ANXA11: variants seen among roughly 807,000 people sequenced by gnomAD.
The protein encoded by ANXA11 is annexin A11.
ANXA11 carries 57 observed loss-of-function variants against 64.7 expected under a neutral mutation model. That is an observed-to-expected ratio of 0.88 (90% CI 0.71 to 1.10). The LOEUF is 1.10. ANXA11 is among the 50% of genes least tolerant of loss of function. The pLI is 0.00. For synonymous variants in ANXA11, 260 were observed against 265.2 expected, an observed-to-expected ratio of 0.98 and a Z score of 0.19; for missense variants, 675 against 670.7, an observed-to-expected ratio of 1.01 and a Z score of -0.07.
chr10:80,200,427 A>G (rs936259885), intron 1 of ANXA11, among the ~76,000 whole-genome samples: 7 of 152,372 alleles, frequency 4.6e-5, no homozygotes, highest in East Asian at 3.9e-4. Context: ...ATTTAAGACC[A>G]AAGACCAAAG....
intron 4 of ANXA11, among the ~76,000 whole-genome samples, chr10:80,169,747 C>G (rs1239986922): frequency 6.6e-6 from 1 of 152,180 alleles, no homozygotes; most frequent in Admixed American, 6.5e-5. Flanking sequence ...CTCTGGCAGG[C>G]ATGTTCAGGT....
intron 8 of ANXA11, among the ~76,000 whole-genome samples, 165 bp downstream of exon 8, chr10:80,165,919 C>T (rs1220983538): frequency 6.6e-6 from 1 of 152,100 alleles, no homozygotes; most frequent in African/African-American, 2.4e-5. Context: ...GGACTCCAAC[C>T]CAGGAAGGCC....
At chr10:80,187,600 G>A (rs1257331090) in intron 1 of ANXA11, among the ~76,000 whole-genome samples, 2 of 152,054 alleles carry the variant, frequency 1.3e-5, no homozygotes, top group African/African-American at 4.8e-5. Flanking sequence ...CTCCCAAAAA[G>A]GGAAACAGTG....
At chr10:80,174,396 C>A (rs1280321154) in intron 2 of ANXA11, among the ~76,000 whole-genome samples, 1 of 151,878 alleles carries the variant, frequency 6.6e-6, no homozygotes, top group Non-Finnish European at 1.5e-5. Context: ...CCTGCCTCAG[C>A]CTCCCAAGTA....
chr10:80,167,009 G>T, intron 6 of ANXA11, 25 bp from the exon 7 acceptor site: 1 of 1,527,046 alleles, frequency 6.5e-7, no homozygotes, highest in Non-Finnish European at 8.9e-7. Flanking sequence ...AGCAGGGGTG[G>T]GTCGGGTAGG....
chr10:80,156,133 G>C (rs61860016), intron 15 of ANXA11, among the ~76,000 whole-genome samples: 10,454 of 152,218 alleles, frequency 0.069, 563 homozygotes, highest in South Asian at 0.2. Context: ...ACTCACCCCA[G>C]CTATCCACAT....
Position 80,154,258 on chromosome 10 carries a change from T to C in ANXA11, c.*1595A>G, listed in dbSNP as rs181713589. On this transcript the variant is annotated 3_prime_UTR_variant, in exon 16 of 16. Coordinates refer to ENST00000422982, the MANE Select transcript of ANXA11 (RefSeq NM_145868.2). Reference sequence around the variant, plus strand: ...CTGGGATTACAGGAATGTGCCACCATGCCTGGCTAATTTTTGTATTTTTAG... The same window carrying C: ...CTGGGATTACAGGAATGTGCCACCACGCCTGGCTAATTTTTGTATTTTTAG... The C allele has an allele frequency of 2.5e-3, 374 of 152,214 alleles. 1 individual carries two copies. Among genetic ancestry groups the C allele is most frequent in the Non-Finnish European group, 3.8e-3 (257 of 68,048 alleles). The allele number at this position is 152,214 out of a possible 1,614,324, so 9.4% of individuals were successfully genotyped here. A position where few individuals can be genotyped will look rare whatever the true frequency, so the allele number is the denominator to read the frequency against.
chr10:80,182,579 G>A (rs1846395109), intron 1 of ANXA11, among the ~76,000 whole-genome samples: 1 of 152,092 alleles, frequency 6.6e-6, no homozygotes, highest in Non-Finnish European at 1.5e-5. Context: ...AGAACATGCA[G>A]GTTTGTTACA....
intron 1 of ANXA11, among the ~76,000 whole-genome samples, chr10:80,196,612 C>T (rs1368717290): frequency 6.6e-6 from 1 of 152,122 alleles, no homozygotes; most frequent in Non-Finnish European, 1.5e-5. Flanking sequence ...GGGTGGGGGC[C>T]CTGGGCGTGC....
chr10:80,181,980 CTCATGGACAT>C (rs1259395890), intron 1 of ANXA11, among the ~76,000 whole-genome samples: 1 of 152,202 alleles, frequency 6.6e-6, no homozygotes, highest in Non-Finnish European at 1.5e-5. Flanking sequence ...ACAAAACCTG[CTCATGGACAT>C]TCACAGTAGT....
chr10:80,155,824 G>A lies in ANXA11; in HGVS notation c.*29C>T. 1.2e-6 allele frequency: 2 copies of A among 1,609,632 alleles called. 1 individual carries two copies. The highest frequency in any genetic ancestry group is 2.2e-5 in the South Asian group (2 of 90,904). ...TTCCTGGCACTGGTGTTGCCGGCAG[G>A]TGGGCAGAAGTGAGCCACCAGTCAC... On this transcript the variant is annotated 3_prime_UTR_variant, in exon 16 of 16. Coordinates refer to ENST00000422982, the MANE Select transcript of ANXA11 (RefSeq NM_145868.2).
intron 1 of ANXA11, among the ~76,000 whole-genome samples, chr10:80,178,342 G>A (rs1243147482): frequency 6.6e-6 from 1 of 152,182 alleles, no homozygotes; most frequent in Non-Finnish European, 1.5e-5. Flanking sequence ...CTGATGGCTG[G>A]GGCATGTCCC....
rs776902651 is a variant in ANXA11, at chr10:80,166,036, A to G, written c.858+48T>C. The G allele has an allele frequency of 1.6e-5, 16 of 973,484 alleles. No individual in the cohort carries two copies. In the African/African-American group the frequency reaches 2.3e-4, roughly 14 times the overall value. The allele number at this position is 973,484 out of a possible 1,614,324, so 60.3% of individuals were successfully genotyped here. A position where few individuals can be genotyped will look rare whatever the true frequency, so the allele number is the denominator to read the frequency against. ...CACACGCATGCGCGCGTGCGCACAC[A>G]CGCGCGCACACACACACACACACAC... On this transcript the variant is annotated intron_variant, in intron 8 of 15. Transcript: ENST00000422982.
At chr10:80,163,444 C>A in intron 10 of ANXA11, 39 bp from the exon 11 acceptor site, 1 of 1,613,872 alleles carries the variant, frequency 6.2e-7, no homozygotes. Flanking sequence ...CCACTCCTTC[C>A]CCATTTATTT....
Position 80,157,710 on chromosome 10 carries a change from C to T in ANXA11, c.1389G>A (p.Glu463=). ...TLIRIMVSRS[E]TDLLDIRSEY... The stretch of plus-strand genomic sequence containing the variant: ...CTGATCTGATGTCCAGGAGGTCGGT[C>T]TCGCTGCGAGACACCATGATGCGAA... Residue 463 remains glutamate (E), a synonymous_variant, in exon 15 of 16, where the codon GAG becomes GAA. Coordinates refer to ENST00000422982, the MANE Select transcript of ANXA11 (RefSeq NM_145868.2). The T allele has an allele frequency of 6.2e-7, 1 of 1,613,998 alleles. No individual in the cohort carries two copies. The highest frequency in any genetic ancestry group is 8.5e-7 in the Non-Finnish European group (1 of 1,179,970).
At chr10:80,171,221 C>G (rs562689484) in intron 3 of ANXA11, 485 of 1,243,362 alleles carry the variant, frequency 3.9e-4, no homozygotes, top group Middle Eastern at 2.1e-3. Context: ...CCCAAGTTCA[C>G]CATCATGGAG....
chr10:80,182,576 G>A (rs1196090406), intron 1 of ANXA11, among the ~76,000 whole-genome samples: 1 of 152,126 alleles, frequency 6.6e-6, no homozygotes, highest in Non-Finnish European at 1.5e-5. Flanking sequence ...TGCAGAACAT[G>A]CAGGTTTGTT....
chr10:80,201,958 T>C (rs573009303), intron 1 of ANXA11, among the ~76,000 whole-genome samples: 7 of 152,270 alleles, frequency 4.6e-5, no homozygotes, highest in East Asian at 3.9e-4. Context: ...TCCTTCTCAA[T>C]TTCCTTTCCT....
rs761253330 is a variant in ANXA11 at position 80,172,836 on chromosome 10, G to A, written c.26C>T (p.Pro9Leu). 6.2e-7 allele frequency: 1 copy of A among 1,614,062 alleles called. No homozygotes were observed. The highest frequency in any genetic ancestry group is 8.5e-7 in the Non-Finnish European group (1 of 1,179,954). Residue 9 changes from proline to leucine, a missense_variant, in exon 3 of 16, where the codon CCC becomes CTC. Physicochemically the swap from Pro to Leu is moderately conservative, Grantham distance 98 (BLOSUM62 -3). Coordinates refer to ENST00000422982, the MANE Select transcript of ANXA11 (RefSeq NM_145868.2). MSYPGYPP[P>L]PGGYPPAAPG... ...TGCAGCTGGTGGGTAGCCACCTGGG[G>A]GCGGGGGATAGCCAGGGTAGCTCAT... is the stretch of plus-strand genomic sequence containing the variant.
Sources: allele counts gnomAD v4.1 joint callset (sites outside exome capture counted in the v4.1 genomes callset), GRCh38; gene constraint gnomAD v4.1.1; transcripts MANE v1.5; gene names NCBI Gene and HGNC (gene_info 2026-07-23, HGNC 2026-07-21).